The following FHIT variants were observed in gnomAD, a reference collection of about 807,000 sequenced individuals.
FHIT encodes the protein bis(5'-adenosyl)-triphosphatase.
Under a neutral mutation model 17.9 loss-of-function variants are expected in FHIT, and 19 were observed. The observed-to-expected ratio is 1.06, with a 90% CI of 0.74 to 1.56. The LOEUF (loss-of-function observed/expected upper bound fraction) is 1.56, where lower values mean the gene tolerates loss of function less well. FHIT is among the 40% of genes most tolerant of loss of function. The probability of loss-of-function intolerance (pLI) is 0.00; values close to 1 mark genes in which losing one functional copy is unlikely to be tolerated. For missense variants in FHIT, 248 were observed against 189.2 expected (o/e 1.31, Z -1.82); for synonymous variants, 81 against 69.7 (o/e 1.16, Z -0.81).
intron 5 of FHIT, among the ~76,000 whole-genome samples, chr3:60,502,868 T>A (rs2034578382): frequency 6.6e-6 from 1 of 152,184 alleles, no homozygotes; most frequent in Non-Finnish European, 1.5e-5. Flanking sequence ...GGTCAAGCCT[T>A]AGAAATTCAC....
intron 4 of FHIT, among the ~76,000 whole-genome samples, chr3:60,784,734 G>A (rs782307875): frequency 6.6e-6 from 1 of 152,134 alleles, no homozygotes; most frequent in Non-Finnish European, 1.5e-5. Flanking sequence ...TTTATATGTT[G>A]AAATCTAATC....
chr3:61,235,914 T>C (rs1249086864), intron 1 of FHIT, among the ~76,000 whole-genome samples: 2 of 152,070 alleles, frequency 1.3e-5, no homozygotes, highest in Non-Finnish European at 2.9e-5. Flanking sequence ...AGCAAGGTAT[T>C]GTGACCAATA....
chr3:60,362,623 T>A (rs1427583017), intron 5 of FHIT, among the ~76,000 whole-genome samples: 2 of 152,226 alleles, frequency 1.3e-5, no homozygotes, highest in African/African-American at 4.8e-5. Flanking sequence ...AGATACATTT[T>A]TATCATGTAC....
chr3:60,367,979 T>C (rs1448683616), intron 5 of FHIT, among the ~76,000 whole-genome samples: 1 of 152,202 alleles, frequency 6.6e-6, no homozygotes, highest in Non-Finnish European at 1.5e-5. Context: ...TTAGAAATTT[T>C]TCTTCTTATA....
At chr3:60,474,814 G>C (rs913298265) in intron 5 of FHIT, among the ~76,000 whole-genome samples, 1 of 151,992 alleles carries the variant, frequency 6.6e-6, no homozygotes, top group Non-Finnish European at 1.5e-5. Flanking sequence ...GTAGAGACGA[G>C]GTTTCTCCAT....
At chr3:60,859,859 C>T (rs1260164262) in intron 3 of FHIT, among the ~76,000 whole-genome samples, 15 of 146,600 alleles carry the variant, frequency 1.0e-4, no homozygotes, top group African/African-American at 3.8e-4. Context: ...GCCTGGCCAA[C>T]ATGGTGAAAC....
intron 5 of FHIT, among the ~76,000 whole-genome samples, chr3:60,474,712 C>G (rs1467065930): frequency 6.6e-6 from 1 of 152,032 alleles, no homozygotes; most frequent in African/African-American, 2.4e-5. Context: ...CAACCTCTGC[C>G]TCCCGGGTTC....
At chr3:60,272,916 T>G (rs886903645) in intron 5 of FHIT, among the ~76,000 whole-genome samples, 6 of 152,288 alleles carry the variant, frequency 3.9e-5, no homozygotes, top group African/African-American at 1.4e-4. Context: ...CTCCCTTGAG[T>G]TGGTCCTTGA....
At chr3:59,910,240 C>T (rs1430133265) in intron 8 of FHIT, among the ~76,000 whole-genome samples, 1 of 152,180 alleles carries the variant, frequency 6.6e-6, no homozygotes, top group African/African-American at 2.4e-5. Context: ...GGCAAGAAGA[C>T]TCTAAGTGGG....
intron 3 of FHIT, among the ~76,000 whole-genome samples, chr3:60,936,169 G>A (rs1708184154): frequency 6.6e-6 from 1 of 152,104 alleles, no homozygotes; most frequent in African/African-American, 2.4e-5. Flanking sequence ...ATAAATATAT[G>A]CTGTACATGG....
intron 8 of FHIT, among the ~76,000 whole-genome samples, chr3:59,913,479 T>C (rs935380577): frequency 3.3e-5 from 5 of 152,144 alleles, no homozygotes; most frequent in Non-Finnish European, 7.4e-5. Context: ...GCAAATTTAG[T>C]TTCAATTCAA....
At chr3:60,452,915 A>G (rs1174780079) in intron 5 of FHIT, among the ~76,000 whole-genome samples, 5 of 152,220 alleles carry the variant, frequency 3.3e-5, no homozygotes, top group African/African-American at 4.8e-5. Context: ...AAGTTCATAT[A>G]AAGACCTGAC....
At chr3:59,870,299 A>C (rs1702860180) in intron 8 of FHIT, among the ~76,000 whole-genome samples, 2 of 152,204 alleles carry the variant, frequency 1.3e-5, no homozygotes, top group Admixed American at 6.5e-5. Context: ...CCCATGTCAC[A>C]GGTGAGGAAA....
intron 4 of FHIT, among the ~76,000 whole-genome samples, chr3:60,640,714 G>A (rs1325595345): frequency 1.3e-5 from 2 of 152,122 alleles, no homozygotes; most frequent in Non-Finnish European, 2.9e-5. Context: ...AAAAAAATGT[G>A]AGGAAATGAA....
chr3:60,112,312 G>A (rs1397410280), intron 5 of FHIT, among the ~76,000 whole-genome samples: 3 of 152,236 alleles, frequency 2.0e-5, no homozygotes, highest in Middle Eastern at 3.4e-3. Context: ...AAGCTGTCTT[G>A]GAGCCATAGT....
chr3:60,688,578 C>T (rs1267430653), intron 4 of FHIT, among the ~76,000 whole-genome samples: 1 of 151,824 alleles, frequency 6.6e-6, no homozygotes, highest in Non-Finnish European at 1.5e-5. Context: ...ATTACAGGCA[C>T]TCACCACAAG....
In FHIT at chr3:60,683,653, G is replaced by T. The variant is rs80121095; in HGVS notation, c.-18+138266C>A. On this transcript the variant is annotated intron_variant, in intron 4 of 9. Transcript: ENST00000492590. ...TTGCAATATTCACTTTATTGTGATG[G>T]TCTGGAAGTGAACATGCAGTATCTC... 2.9e-3 allele frequency among the ~76,000 whole-genome samples: 443 copies of T among 152,206 alleles called. 2 individuals carry two copies. Among genetic ancestry groups the T allele is most frequent in the Non-Finnish European group, 4.8e-3 (328 of 68,026 alleles).
At chr3:60,383,109 G>T (rs922845955) in intron 5 of FHIT, among the ~76,000 whole-genome samples, 2 of 152,088 alleles carry the variant, frequency 1.3e-5, no homozygotes, top group Non-Finnish European at 2.9e-5. Flanking sequence ...AAAATGAATT[G>T]GCATTGAAAA....
intron 5 of FHIT, among the ~76,000 whole-genome samples, chr3:60,401,175 T>A (rs902062202): frequency 6.6e-6 from 1 of 152,200 alleles, no homozygotes; most frequent in Non-Finnish European, 1.5e-5. Flanking sequence ...CTTGTAGTGA[T>A]TGCTCAGAAG....
Sources: gnomAD v4.1 joint callset for allele counts (sites outside exome capture counted in the v4.1 genomes callset) on GRCh38, gnomAD v4.1.1 for gene constraint, MANE v1.5 for transcripts, NCBI Gene and HGNC (gene_info 2026-07-23, HGNC 2026-07-21) for gene names.